TSPAN4: variants seen among roughly 807,000 people sequenced by gnomAD.
TSPAN4 encodes the protein tetraspanin-4.
A neutral mutation model predicts 31.5 loss-of-function variants in TSPAN4; 38 were observed. That is an observed-to-expected ratio of 1.21 (90% confidence interval 0.93 to 1.58). The LOEUF is 1.58. TSPAN4 is among the 40% of genes most tolerant of loss of function. The pLI is 0.00. For synonymous variants in TSPAN4, 186 were observed against 144.6 expected, an observed-to-expected ratio of 1.29 and a Z score of -2.06; for missense variants, 330 against 317.3, an observed-to-expected ratio of 1.04 and a Z score of -0.30.
At chr11:856,208 C>T (rs897520368) in intron 3 of TSPAN4, among the ~76,000 whole-genome samples, 6 of 152,286 alleles carry the variant, frequency 3.9e-5, no homozygotes, top group East Asian at 1.9e-4. Flanking sequence ...TGCTGAGGGA[C>T]GGCCCTCCAA....
rs1589775281 is a variant in TSPAN4, at chr11:856,797, A to C, written c.64-5753A>C. Reference sequence around the variant, plus strand: ...GCTTTTGATTTTCTGTCTCCAAGCTAATGGGGCCCATTTTCTCTTGCGCTT... The same window carrying C: ...GCTTTTGATTTTCTGTCTCCAAGCTCATGGGGCCCATTTTCTCTTGCGCTT... On this transcript the variant is annotated intron_variant, in intron 3 of 8. Coordinates refer to ENST00000397397, the MANE Select transcript of TSPAN4 (RefSeq NM_003271.5). 3 of 152,370 alleles carry C rather than the reference A, an allele frequency of 2.0e-5. No individual in the cohort carries two copies. In the South Asian group the frequency reaches 6.2e-4, roughly 32 times the overall value. 9.4% of individuals were successfully genotyped at this position (152,370 alleles called of 1,614,324 possible).
At position 848,670 on chromosome 11, in the gene TSPAN4, C is replaced by T. The variant is rs1045690083; in HGVS notation, c.-18+1370C>T. Reference sequence around the variant, plus strand: ...GGAGCACCCCCTTCCCCTCCCTTAGCTTCCTCTCCCTCCTCTTCCTCCTGC... The same window carrying T: ...GGAGCACCCCCTTCCCCTCCCTTAGTTTCCTCTCCCTCCTCTTCCTCCTGC... On this transcript the variant is annotated intron_variant, in intron 2 of 8. Coordinates refer to ENST00000397397, the MANE Select transcript of TSPAN4 (RefSeq NM_003271.5). The surrounding 1 kb of genome is among the most constrained non-coding windows in gnomAD (Gnocchi z 5.7). The T allele has an allele frequency of 2.0e-6, 1 of 497,746 alleles. No individual in the cohort carries two copies. The allele number at this position is 497,746 out of a possible 1,614,324, so 30.8% of individuals were successfully genotyped here. A position where few individuals can be genotyped will look rare whatever the true frequency, so the allele number is the denominator to read the frequency against.
At chr11:851,666 G>A (rs1847740848) in intron 3 of TSPAN4, among the ~76,000 whole-genome samples, 1 of 152,134 alleles carries the variant, frequency 6.6e-6, no homozygotes, top group East Asian at 1.9e-4. Flanking sequence ...CCAGGCCTGA[G>A]GGGCGCCTTG....
intron 3 of TSPAN4, among the ~76,000 whole-genome samples, chr11:855,033 G>A (rs1427413775): frequency 2.0e-5 from 3 of 152,192 alleles, no homozygotes; most frequent in East Asian, 1.9e-4. Flanking sequence ...GAGCAGCAGC[G>A]GTCGGTCGGG....
In TSPAN4 at chr11:850,298, C is replaced by T. The variant is rs764801198; in HGVS notation, c.-7C>T. ...TCATCTTCCTCCTAGAACTGAAGCGCTGCGGCATGGCGCGCGCCTGCCTCC... is the reference window on the plus strand; with the variant it reads ...TCATCTTCCTCCTAGAACTGAAGCGTTGCGGCATGGCGCGCGCCTGCCTCC... On this transcript the variant is annotated 5_prime_UTR_variant, in exon 3 of 9. Coordinates refer to ENST00000397397, the MANE Select transcript of TSPAN4 (RefSeq NM_003271.5). 1.2e-5 allele frequency: 20 copies of T among 1,607,040 alleles called. No individual in the cohort carries two copies. The South Asian group carries it at 1.3e-4, about 11-fold the overall frequency.
chr11:860,988 G>A (rs1275276611), intron 3 of TSPAN4, among the ~76,000 whole-genome samples: 1 of 152,156 alleles, frequency 6.6e-6, no homozygotes, highest in Non-Finnish European at 1.5e-5. Context: ...TCGGGGGACT[G>A]CTTGTCCCGT....
chr11:844,832 C>G (rs1399936214), intron 1 of TSPAN4, among the ~76,000 whole-genome samples: 1 of 152,134 alleles, frequency 6.6e-6, no homozygotes, highest in Non-Finnish European at 1.5e-5. Flanking sequence ...CGGCTGCTTC[C>G]TGCTAGAGGA....
chr11:866,479 A>C (rs1414415249), intron 8 of TSPAN4, 83 bp from the exon 9 acceptor site: 2 of 1,335,398 alleles, frequency 1.5e-6, no homozygotes. Context: ...GGGCCAGGGC[A>C]CCTGCTGAGG....
At position 860,926 on chromosome 11, in the gene TSPAN4, C is replaced by A. The variant is rs1233836044; in HGVS notation, c.64-1624C>A. On this transcript the variant is annotated intron_variant, in intron 3 of 8. Transcript: ENST00000397397. The stretch of plus-strand genomic sequence containing the variant: ...AACCGTCGGCACCCCAGGACGTCTA[C>A]CCACCACCCACCTGGGCACCCACGC... Among the ~76,000 whole-genome samples, 3 of 152,178 alleles carry A rather than the reference C, an allele frequency of 2.0e-5. 1 individual carries two copies. Among genetic ancestry groups the A allele is most frequent in the Middle Eastern group, 3.2e-3 (1 of 316 alleles).
Position 865,572 on chromosome 11 carries a change from C to T in TSPAN4, c.390C>T (p.Gly130=), listed in dbSNP as rs774937877. 6.2e-7 allele frequency: 1 copy of T among 1,612,774 alleles called. No individual in the cohort carries two copies. The highest frequency in any genetic ancestry group is 8.5e-7 in the Non-Finnish European group (1 of 1,179,904). Residue 130 remains glycine (G), a synonymous_variant, in exon 6 of 9, where the codon GGC becomes GGT. Transcript: ENST00000397397. The stretch of plus-strand genomic sequence containing the variant: ...GCTTGCACCTGTACGGCACGCAGGG[C>T]AACGTGGGCCTCACCAACGCCTGGA... The part of the protein sequence containing the change: ...KKGLHLYGTQ[G]NVGLTNAWSI...
In TSPAN4 at chr11:865,715, A is replaced by G; in HGVS notation, c.454A>G (p.Asn152Asp). Residue 152 changes from asparagine to aspartate, a missense_variant, in exon 7 of 9, where the codon AAC becomes GAC. By Grantham distance (23) the Asn-to-Asp change is conservative. Coordinates refer to ENST00000397397, the MANE Select transcript of TSPAN4 (RefSeq NM_003271.5). ...CCAGTTCCGCTGCTGTGGCGTCTCC[A>G]ACTACACTGACTGGTTCGAGGTGTA... ...QTDFRCCGVS[N>D]YTDWFEVYNA... 2 of 1,613,340 alleles carry G rather than the reference A, an allele frequency of 1.2e-6. No homozygotes were observed. Among genetic ancestry groups the G allele is most frequent in the Non-Finnish European group, 1.7e-6 (2 of 1,179,932 alleles).
intron 2 of TSPAN4, among the ~76,000 whole-genome samples, chr11:849,143 G>A (rs1474788350): frequency 6.6e-6 from 1 of 152,178 alleles, no homozygotes; most frequent in Non-Finnish European, 1.5e-5. Context: ...GCACGGGGCG[G>A]AGGCCGAGCC....
At chr11:850,770 G>A (rs1398958239) in intron 3 of TSPAN4, among the ~76,000 whole-genome samples, 2 of 152,204 alleles carry the variant, frequency 1.3e-5, no homozygotes, top group African/African-American at 4.8e-5. Flanking sequence ...CTCTGCGCCC[G>A]CTCCCTCCTC....
At chr11:863,155 C>T in intron 4 of TSPAN4, 1 of 164,024 alleles carries the variant, frequency 6.1e-6, no homozygotes, top group Non-Finnish European at 1.3e-5. Context: ...GGCCTGGTCT[C>T]TCAGCTCCCT....
intron 3 of TSPAN4, among the ~76,000 whole-genome samples, chr11:850,757 C>G (rs545210480): frequency 1.3e-5 from 2 of 152,340 alleles, no homozygotes; most frequent in South Asian, 4.1e-4. Flanking sequence ...GCCCCGGTGC[C>G]TCCTCTGCGC....
intron 2 of TSPAN4, among the ~76,000 whole-genome samples, chr11:849,324 C>G (rs1382850231): frequency 6.6e-6 from 1 of 152,214 alleles, no homozygotes; most frequent in Non-Finnish European, 1.5e-5. Flanking sequence ...TGCAGGCTGA[C>G]CCAGCCCCCC....
chr11:851,790 G>A (rs1847756882), intron 3 of TSPAN4, among the ~76,000 whole-genome samples: 1 of 151,998 alleles, frequency 6.6e-6, no homozygotes, highest in Admixed American at 6.5e-5. Context: ...GGGGCAGAAT[G>A]ACTGAAGGGC....
chr11:862,838 G>A (rs548862951), intron 4 of TSPAN4, 97 bp downstream of exon 4: 51 of 1,305,010 alleles, frequency 3.9e-5, no homozygotes, highest in Non-Finnish European at 5.0e-5. Flanking sequence ...CCCCCCAGAC[G>A]TGGGCACCAC....
Position 865,742 on chromosome 11 carries a change from A to G in TSPAN4, c.481A>G (p.Asn161Asp), listed in dbSNP as rs1375146839. 1 of 1,613,150 alleles carries G rather than the reference A, an allele frequency of 6.2e-7. No individual in the cohort carries two copies. Among genetic ancestry groups the G allele is most frequent in the African/African-American group, 1.3e-5 (1 of 74,910 alleles). ...CTACACTGACTGGTTCGAGGTGTAC[A>G]ACGCCACGCGGGTACCTGACTCCTG... ...SNYTDWFEVY[N>D]ATRVPDSCCL... Residue 161 changes from asparagine to aspartate, a missense_variant, in exon 7 of 9, where the codon AAC becomes GAC. Transcript: ENST00000397397.
Sources: gnomAD v4.1 joint callset for allele counts (sites outside exome capture counted in the v4.1 genomes callset) on GRCh38, gnomAD v4.1.1 for gene constraint, Gnocchi (gnomAD v3.1) non-coding constraint, MANE v1.5 for transcripts, NCBI Gene and HGNC (gene_info 2026-07-23, HGNC 2026-07-21) for gene names.